The following NAPB variants were observed in gnomAD, a reference collection of about 807,000 sequenced individuals.
The protein encoded by NAPB is NSF attachment protein beta, also known as beta-soluble NSF attachment protein.
In NAPB, 26 loss-of-function variants were observed where a neutral mutation model predicts 44.7. That is an observed-to-expected ratio of 0.58 (90% CI 0.43 to 0.81). The LOEUF (loss-of-function observed/expected upper bound fraction) is 0.81. Among genes scored for constraint, NAPB ranks in the 30% least tolerant of loss-of-function variants. The probability of loss-of-function intolerance (pLI) is 0.00; values close to 1 mark genes in which losing one functional copy is unlikely to be tolerated. For synonymous variants in NAPB, 120 were observed against 116.8 expected, an observed-to-expected ratio of 1.03 and a Z score of -0.18; for missense variants, 315 against 356.4, an observed-to-expected ratio of 0.88 and a Z score of 0.94.
In NAPB at chr20:23,397,339, G is replaced by A. The variant is rs569376196; in HGVS notation, c.179-151C>T. ...AAATCCATGTGGTCCAGTGCACCTC[G>A]GGCAAATATAAAAATAACCAGAATC... On this transcript the variant is annotated intron_variant, in intron 2 of 10. Transcript: ENST00000377026. 8 of 883,508 alleles carry A rather than the reference G, an allele frequency of 9.1e-6. No individual in the cohort carries two copies. The East Asian group carries it at 1.5e-4, about 16-fold the overall frequency. 54.7% of individuals were successfully genotyped at this position (883,508 alleles called of 1,614,324 possible).
intron 5 of NAPB, among the ~76,000 whole-genome samples, chr20:23,391,813 T>C (rs574535789): frequency 5.3e-5 from 8 of 152,358 alleles, no homozygotes; most frequent in Admixed American, 3.9e-4. Flanking sequence ...ATTTTTAGCA[T>C]GCAAACATAC....
intron 2 of NAPB, among the ~76,000 whole-genome samples, chr20:23,398,493 C>T (rs1157138379): frequency 6.6e-6 from 1 of 152,030 alleles, no homozygotes; most frequent in Admixed American, 6.5e-5. Context: ...CCTCAGCCTC[C>T]TGAGTAGCTG....
chr20:23,389,231 TAA>T (rs71330886), intron 7 of NAPB, among the ~76,000 whole-genome samples: 11 of 115,378 alleles, frequency 9.5e-5, no homozygotes, highest in Non-Finnish European at 1.2e-4. Context: ...GACTATTATT[TAA>T]AAAAAAAAAA....
chr20:23,392,340 A>C (rs568971867), intron 5 of NAPB, among the ~76,000 whole-genome samples: 1 of 152,282 alleles, frequency 6.6e-6, no homozygotes, highest in South Asian at 2.1e-4. Flanking sequence ...ACCATAGTAC[A>C]CCTGTTCTTT....
intron 1 of NAPB, among the ~76,000 whole-genome samples, chr20:23,415,379 A>T (rs975769510): frequency 1.3e-4 from 20 of 151,942 alleles, no homozygotes; most frequent in African/African-American, 4.8e-4. Context: ...ACGGATCATG[A>T]GGTCAGAAGT....
intron 2 of NAPB, among the ~76,000 whole-genome samples, chr20:23,397,790 C>G (rs765394979): frequency 6.6e-6 from 1 of 152,050 alleles, no homozygotes; most frequent in Non-Finnish European, 1.5e-5. Context: ...TCTATTTTAC[C>G]CCATTTAGTG....
chr20:23,388,185 G>A (rs905749483), intron 7 of NAPB, among the ~76,000 whole-genome samples: 10 of 152,008 alleles, frequency 6.6e-5, no homozygotes, highest in African/African-American at 2.2e-4. Context: ...CAGATCTTAG[G>A]CCTTCTCAGC....
intron 7 of NAPB, among the ~76,000 whole-genome samples, chr20:23,382,280 T>C (rs1030668034): frequency 3.3e-5 from 5 of 152,146 alleles, no homozygotes; most frequent in East Asian, 1.9e-4. Flanking sequence ...CTGGCAGTAA[T>C]GAGGTAACAT....
In NAPB at chr20:23,379,338, G is replaced by A. The variant is rs1245368815; in HGVS notation, c.786+107C>T. On this transcript the variant is annotated intron_variant, in intron 10 of 10. Coordinates refer to ENST00000377026, the MANE Select transcript of NAPB (RefSeq NM_022080.3). ...TGGAAAATACAACTTAAGGTATGCT[G>A]GAGTCATGTTCAAATAAATGTTTAG... The A allele has an allele frequency of 6.1e-6, 5 of 814,640 alleles. No homozygotes were observed. The African/African-American group carries it at 8.7e-5, about 14-fold the overall frequency. The allele number at this position is 814,640 out of a possible 1,614,324, so 50.5% of individuals were successfully genotyped here.
chr20:23,394,777 CTAG>C (rs1984228618), intron 5 of NAPB, 142 bp downstream of exon 5: 4 of 686,674 alleles, frequency 5.8e-6, no homozygotes, highest in Non-Finnish European at 4.9e-6. Flanking sequence ...ACTTAGCCAG[CTAG>C]TAGACTTTGC....
intron 1 of NAPB, among the ~76,000 whole-genome samples, chr20:23,406,662 T>A (rs187556361): frequency 1.3e-5 from 2 of 152,276 alleles, no homozygotes; most frequent in East Asian, 3.9e-4. Flanking sequence ...AAACAGCTAA[T>A]AAGTTTCCTA....
intron 2 of NAPB, among the ~76,000 whole-genome samples, chr20:23,398,598 T>C (rs1477361481): frequency 1.3e-5 from 2 of 152,078 alleles, no homozygotes; most frequent in Non-Finnish European, 2.9e-5. Flanking sequence ...CCCAGCACTT[T>C]GGGAGGCCAA....
At position 23,396,921 on chromosome 20, in the gene NAPB, T is replaced by C. The variant is rs565573246; in HGVS notation, c.295+151A>G. 13 of 749,708 alleles carry C rather than the reference T, an allele frequency of 1.7e-5. No individual in the cohort carries two copies. In the East Asian group the frequency reaches 3.0e-4, roughly 17 times the overall value. The allele number at this position is 749,708 out of a possible 1,614,324, so 46.4% of individuals were successfully genotyped here. ...CAAATGATTAAAAAAGAAAAATCCC[T>C]AAGGTTATCAAAATTCTCTATTATT... On this transcript the variant is annotated intron_variant, in intron 3 of 10. Transcript: ENST00000377026.
intron 7 of NAPB, among the ~76,000 whole-genome samples, chr20:23,381,625 G>A (rs1983011771): frequency 6.6e-6 from 1 of 152,044 alleles, no homozygotes; most frequent in Admixed American, 6.6e-5. Flanking sequence ...AAAAACAAAC[G>A]TTTCCCAAGG....
intron 5 of NAPB, 21 bp from the exon 6 acceptor site, chr20:23,390,285 T>C (rs1983850923): frequency 1.3e-6 from 2 of 1,588,890 alleles, no homozygotes; most frequent in African/African-American, 1.3e-5. Flanking sequence ...ACATATTTTA[T>C]TCACACACAA....
intron 2 of NAPB, among the ~76,000 whole-genome samples, chr20:23,400,831 C>T (rs1245249861): frequency 6.6e-6 from 1 of 152,016 alleles, no homozygotes; most frequent in East Asian, 1.9e-4. Context: ...TAATCCAGGG[C>T]CTGGAGATAC....
At chr20:23,383,130 C>T (rs1473153560) in intron 7 of NAPB, among the ~76,000 whole-genome samples, 6 of 135,664 alleles carry the variant, frequency 4.4e-5, no homozygotes, top group African/African-American at 1.2e-4. Flanking sequence ...ACTGGCACGC[C>T]TGGGCGACAG....
intron 1 of NAPB, among the ~76,000 whole-genome samples, chr20:23,406,938 ATATGT>A (rs1858588849): frequency 2.0e-5 from 3 of 152,338 alleles, no homozygotes; most frequent in East Asian, 3.9e-4. Context: ...ATATTTCCAT[ATATGT>A]TATGTCATTT....
intron 1 of NAPB, among the ~76,000 whole-genome samples, chr20:23,405,771 C>T (rs1334931850): frequency 1.3e-5 from 2 of 151,992 alleles, no homozygotes; most frequent in Non-Finnish European, 2.9e-5. Flanking sequence ...GTCCATCAAC[C>T]GATTAACAGA....
Sources: gnomAD v4.1 joint callset for allele counts (sites outside exome capture counted in the v4.1 genomes callset) on GRCh38, gnomAD v4.1.1 for gene constraint, MANE v1.5 for transcripts, NCBI Gene and HGNC (gene_info 2026-07-23, HGNC 2026-07-21) for gene names.